The following MAP6 variants were observed in gnomAD, a reference collection of about 807,000 sequenced individuals.
MAP6 encodes microtubule-associated protein 6.
Under a neutral mutation model 42.4 loss-of-function variants are expected in MAP6, and 26 were observed. The observed-to-expected ratio is 0.61, with a 90% CI of 0.45 to 0.85. The LOEUF (loss-of-function observed/expected upper bound fraction) is 0.85. Among genes scored for constraint, MAP6 ranks in the 40% least tolerant of loss-of-function variants. The pLI is 0.00. For synonymous variants in MAP6, 418 were observed against 443.8 expected (o/e 0.94, Z 0.73); for missense variants, 966 against 1,099.0 (o/e 0.88, Z 1.71).
intron 1 of MAP6, among the ~76,000 whole-genome samples, chr11:75,618,858 C>T (rs1226087412): frequency 2.0e-5 from 3 of 152,206 alleles, no homozygotes; most frequent in African/African-American, 4.8e-5. Flanking sequence ...AACCCTTTGT[C>T]TCCCCCAGAA....
rs1041937050 is a variant in MAP6, at chr11:75,601,639, A to G, written c.1316+4169T>C. On this transcript the variant is annotated intron_variant, in intron 3 of 3. Coordinates refer to ENST00000304771, the MANE Select transcript of MAP6 (RefSeq NM_033063.2). Reference sequence around the variant, plus strand: ...TGACGCATAAGCAAGCAAGAGAAGCATGACAAGGGAGCATGCAGGGTGTAG... The same window carrying G: ...TGACGCATAAGCAAGCAAGAGAAGCGTGACAAGGGAGCATGCAGGGTGTAG... Among the ~76,000 whole-genome samples, 19 of 152,208 alleles carry G rather than the reference A, an allele frequency of 1.2e-4. 1 individual carries two copies. Among genetic ancestry groups the G allele is most frequent in the Middle Eastern group, 6.8e-3 (2 of 292 alleles).
chr11:75,660,528 C>T (rs1036806787), intron 1 of MAP6, among the ~76,000 whole-genome samples: 1 of 152,198 alleles, frequency 6.6e-6, no homozygotes, highest in African/African-American at 2.4e-5. Flanking sequence ...GCCATATCCT[C>T]TTCTTTGCAT....
intron 1 of MAP6, among the ~76,000 whole-genome samples, chr11:75,633,407 A>T (rs1430508759): frequency 1.3e-5 from 2 of 152,222 alleles, no homozygotes; most frequent in African/African-American, 4.8e-5. Context: ...GATGCTAAAA[A>T]ATTCACTCAT....
In MAP6 at chr11:75,587,080, T is replaced by A. The variant is rs1412450098; in HGVS notation, c.2421A>T (p.Glu807Asp). 6.3e-7 allele frequency: 1 copy of A among 1,597,840 alleles called. No individual in the cohort carries two copies. Among genetic ancestry groups the A allele is most frequent in the Non-Finnish European group, 8.5e-7 (1 of 1,169,798 alleles). Residue 807 changes from glutamate (E) to aspartate (D), a missense_variant, in exon 4 of 4, where the codon GAA (glutamate) becomes GAT (aspartate). This residue lies in a region of MAP6 where 943 missense variants were observed against 1,049.9 expected (regional missense o/e 0.90). Transcript: ENST00000304771. ...RVMIPTAPHTEYIESSP is the reference protein window; with the variant it reads ...RVMIPTAPHTDYIESSP The stretch of plus-strand genomic sequence containing the variant: ...AGTGTCAAGGGGAGCTCTCAATGTA[T>A]TCCGTATGGGGGGCAGTTGGGATCA...
intron 3 of MAP6, among the ~76,000 whole-genome samples, chr11:75,600,635 A>G (rs79661068): frequency 0.026 from 3,933 of 152,220 alleles, 199 homozygotes; most frequent in African/African-American, 0.091. Flanking sequence ...GCTAGGGGTG[A>G]AGCCTTGCTT....
Position 75,607,662 on chromosome 11 carries a change from G to A in MAP6, c.1119+447C>T, listed in dbSNP as rs562513582. The A allele has an allele frequency of 4.2e-3, 4,180 of 985,400 alleles. 6 individuals are homozygous for A. Among genetic ancestry groups the A allele is most frequent in the Non-Finnish European group, 4.9e-3 (4,028 of 829,926 alleles). 61.0% of individuals were successfully genotyped at this position (985,400 alleles called of 1,614,324 possible). ...AGGTGCTTTTCAGGGACTAGGGAGG[G>A]AAGAAAGGGTCCAGTGATTGGAGCC... On this transcript the variant is annotated intron_variant, in intron 2 of 3. Coordinates refer to ENST00000304771, the MANE Select transcript of MAP6 (RefSeq NM_033063.2).
intron 1 of MAP6, among the ~76,000 whole-genome samples, chr11:75,628,503 A>G (rs1210035860): frequency 1.3e-5 from 2 of 152,148 alleles, no homozygotes; most frequent in African/African-American, 4.8e-5. Context: ...CCAACCCTGG[A>G]AAGGTGAGGA....
At chr11:75,653,952 T>C (rs1943694472) in intron 1 of MAP6, among the ~76,000 whole-genome samples, 1 of 152,252 alleles carries the variant, frequency 6.6e-6, no homozygotes, top group South Asian at 2.1e-4. Flanking sequence ...TGCTGAGCAC[T>C]GTATGTACAC....
chr11:75,629,262 A>AT (rs1228388961), intron 1 of MAP6, among the ~76,000 whole-genome samples: 2 of 151,894 alleles, frequency 1.3e-5, no homozygotes, highest in Non-Finnish European at 2.9e-5. Flanking sequence ...TAATTTTTGT[A>AT]TTTTTAGTAG....
chr11:75,641,846 G>C (rs1324754619), intron 1 of MAP6, among the ~76,000 whole-genome samples: 2 of 152,150 alleles, frequency 1.3e-5, no homozygotes, highest in East Asian at 3.8e-4. Context: ...TCAACCCCCA[G>C]AGTCCCACTC....
Sources: gnomAD v4.1 joint callset for allele counts (sites outside exome capture counted in the v4.1 genomes callset) on GRCh38, gnomAD v4.1.1 for gene constraint, gnomAD v4.1.1 regional missense constraint, MANE v1.5 for transcripts, NCBI Gene and HGNC (gene_info 2026-07-23, HGNC 2026-07-21) for gene names.